The following DNAJC1 variants were observed in gnomAD, a reference collection of about 807,000 sequenced individuals.
DNAJC1 encodes DnaJ heat shock protein family (Hsp40) member C1.
In DNAJC1, 58 loss-of-function variants were observed where a neutral mutation model predicts 76.6. The ratio of observed to expected loss-of-function variants is 0.76; its 90% CI spans 0.61 to 0.94. The LOEUF (loss-of-function observed/expected upper bound fraction) is 0.94, where lower values mean the gene tolerates loss of function less well. DNAJC1 is among the 40% of genes least tolerant of loss of function. The pLI, the probability that DNAJC1 is intolerant of heterozygous loss-of-function variation, is 0.00. For synonymous variants in DNAJC1, 258 were observed against 267.9 expected, an observed-to-expected ratio of 0.96 and a Z score of 0.36; for missense variants, 689 against 677.3, an observed-to-expected ratio of 1.02 and a Z score of -0.19.
chr10:21,877,283 AATACATATATAT>A (rs1310028992), intron 8 of DNAJC1, among the ~76,000 whole-genome samples: 3 of 88,536 alleles, frequency 3.4e-5, no homozygotes, highest in Non-Finnish European at 6.3e-5. Flanking sequence ...CCAAAAACAA[AATACATATATAT>A]ATACATATAT....
At chr10:21,873,106 C>T (rs1032739526) in intron 8 of DNAJC1, among the ~76,000 whole-genome samples, 4 of 152,056 alleles carry the variant, frequency 2.6e-5, no homozygotes, top group Non-Finnish European at 5.9e-5. Context: ...AGTCACGTAC[C>T]CCCTGCTTGC....
chr10:21,907,265 C>A (rs575379436), intron 6 of DNAJC1, among the ~76,000 whole-genome samples: 11 of 152,200 alleles, frequency 7.2e-5, no homozygotes, highest in Admixed American at 6.5e-4. Flanking sequence ...CTATTTTTAT[C>A]TTCCTTTTGC....
chr10:21,820,319 A>C (rs1012351909), intron 8 of DNAJC1, among the ~76,000 whole-genome samples: 2 of 152,186 alleles, frequency 1.3e-5, no homozygotes, highest in African/African-American at 4.8e-5. Context: ...TGTCTGTGTT[A>C]TCCATCTGAT....
intron 1 of DNAJC1, among the ~76,000 whole-genome samples, chr10:21,930,471 G>C (rs1393941733): frequency 1.3e-5 from 2 of 152,090 alleles, no homozygotes; most frequent in Non-Finnish European, 2.9e-5. Context: ...ATATACCTGG[G>C]ACTAAATATT....
intron 1 of DNAJC1, among the ~76,000 whole-genome samples, chr10:21,999,144 TATTA>T (rs1310027477): frequency 3.9e-5 from 6 of 152,198 alleles, no homozygotes; most frequent in South Asian, 2.1e-4. Flanking sequence ...GAATGTTCTA[TATTA>T]ATTGTCTCCA....
intron 1 of DNAJC1, among the ~76,000 whole-genome samples, chr10:21,967,089 CTATTT>C (rs759670157): frequency 6.6e-6 from 1 of 150,874 alleles, no homozygotes; most frequent in African/African-American, 2.4e-5. Flanking sequence ...CACAATTCAC[CTATTT>C]TAAGTGTACA....
intron 9 of DNAJC1, among the ~76,000 whole-genome samples, chr10:21,778,705 G>T (rs1834484805): frequency 6.6e-6 from 1 of 152,194 alleles, no homozygotes; most frequent in South Asian, 2.1e-4. Context: ...ATTTCCAATT[G>T]AGATACCAGG....
chr10:21,819,269 C>T (rs1041955087), intron 8 of DNAJC1, among the ~76,000 whole-genome samples: 8 of 151,900 alleles, frequency 5.3e-5, no homozygotes, highest in African/African-American at 1.7e-4. Flanking sequence ...GGCATGGTGG[C>T]GTGCATCTGT....
chr10:22,001,085 G>A (rs1170276316), intron 1 of DNAJC1, among the ~76,000 whole-genome samples: 2 of 152,136 alleles, frequency 1.3e-5, no homozygotes, highest in African/African-American at 4.8e-5. Context: ...TATAAGCTTA[G>A]GGGTTTTGTT....
In DNAJC1 at chr10:21,980,700, A is replaced by G. The variant is rs566099310; in HGVS notation, c.222+22513T>C. 9.5e-4 allele frequency among the ~76,000 whole-genome samples: 145 copies of G among 152,292 alleles called. 1 individual carries two copies. The highest frequency in any genetic ancestry group is 3.4e-3 in the African/African-American group (140 of 41,574). On this transcript the variant is annotated intron_variant, in intron 1 of 11. Transcript: ENST00000376980. ...TATCAATTTATTAAGGTTACATCTG[A>G]GAAAGCCAGGTGAAAGGTATATGAG... is the stretch of plus-strand genomic sequence containing the variant.
At chr10:21,975,027 T>C (rs1838039651) in intron 1 of DNAJC1, among the ~76,000 whole-genome samples, 1 of 151,988 alleles carries the variant, frequency 6.6e-6, no homozygotes, top group Non-Finnish European at 1.5e-5. Flanking sequence ...ATTATGAAAA[T>C]GGTATGGAAG....
At position 21,904,526 on chromosome 10, in the gene DNAJC1, A is replaced by C. The variant is rs765204602; in HGVS notation, c.816T>G (p.Leu272=). The C allele has an allele frequency of 5.1e-6, 8 of 1,565,046 alleles. No individual in the cohort carries two copies. Among genetic ancestry groups the C allele is most frequent in the Non-Finnish European group, 6.1e-6 (7 of 1,155,904 alleles). Residue 272 remains leucine, a synonymous_variant, in exon 7 of 12, where the codon CTT becomes CTG. Transcript: ENST00000376980. ...DALTRTELET[L]QKQKKVKKPK... ...ACACTAATGTTTAAAACTCACTTTG[A>C]AGTGTTTCAAGTTCAGTTCTAGTCA...
At chr10:21,825,723 T>A (rs1398118504) in intron 8 of DNAJC1, among the ~76,000 whole-genome samples, 2 of 152,220 alleles carry the variant, frequency 1.3e-5, no homozygotes, top group Non-Finnish European at 2.9e-5. Context: ...GCAATTCTAG[T>A]GGGTTTGCAG....
At chr10:21,940,980 G>A (rs975322139) in intron 1 of DNAJC1, among the ~76,000 whole-genome samples, 3 of 151,572 alleles carry the variant, frequency 2.0e-5, no homozygotes, top group Non-Finnish European at 4.4e-5. Flanking sequence ...GGCCAGGCGC[G>A]GTAGCTCACG....
intron 1 of DNAJC1, among the ~76,000 whole-genome samples, chr10:22,001,055 T>C (rs1838511004): frequency 6.6e-6 from 1 of 152,256 alleles, no homozygotes; most frequent in South Asian, 2.1e-4. Context: ...CTGTTTACTG[T>C]CTGTTTCTCC....
At chr10:21,860,262 G>A (rs1189649675) in intron 8 of DNAJC1, among the ~76,000 whole-genome samples, 1 of 151,294 alleles carries the variant, frequency 6.6e-6, no homozygotes. Context: ...CAGGGTTTTT[G>A]AGTTTATAAA....
intron 8 of DNAJC1, among the ~76,000 whole-genome samples, chr10:21,806,380 T>A (rs1834883846): frequency 6.6e-6 from 1 of 152,216 alleles, no homozygotes; most frequent in South Asian, 2.1e-4. Context: ...AGACATTTTT[T>A]AAAAAAGACC....
chr10:21,920,861 C>G lies in DNAJC1; in HGVS notation c.474G>C (p.Leu158Phe), dbSNP rs1367562937. ...AATGACCCACTGTGAGAATAATGAACAAGAGTAATGCCAGCTCAGCATTGC... is the reference window on the plus strand; with the variant it reads ...AATGACCCACTGTGAGAATAATGAAGAAGAGTAATGCCAGCTCAGCATTGC... ...KMSNAELALLLFIILTVGHYA... is the reference protein window; with the variant it reads ...KMSNAELALLFFIILTVGHYA... Residue 158 changes from leucine (L) to phenylalanine (F), a missense_variant, in exon 4 of 12, where the codon TTG (leucine) becomes TTC (phenylalanine). Transcript: ENST00000376980. 1 of 1,613,104 alleles carries G rather than the reference C, an allele frequency of 6.2e-7. No individual in the cohort carries two copies. Among genetic ancestry groups the G allele is most frequent in the Non-Finnish European group, 8.5e-7 (1 of 1,179,366 alleles).
intron 7 of DNAJC1, among the ~76,000 whole-genome samples, chr10:21,892,126 T>C (rs1053010368): frequency 8.6e-5 from 13 of 152,004 alleles, no homozygotes; most frequent in African/African-American, 3.1e-4. Context: ...AACATACTTA[T>C]TATACTCACT....
Sources: allele counts gnomAD v4.1 joint callset (sites outside exome capture counted in the v4.1 genomes callset), GRCh38; gene constraint gnomAD v4.1.1; transcripts MANE v1.5; gene names NCBI Gene and HGNC (gene_info 2026-07-23, HGNC 2026-07-21).